The following CTNNA1 variants were observed in gnomAD, a reference collection of about 807,000 sequenced individuals.
The protein encoded by CTNNA1 is catenin alpha-1.
A neutral mutation model predicts 98.4 loss-of-function variants in CTNNA1; 37 were observed. The ratio of observed to expected loss-of-function variants is 0.38; its 90% CI spans 0.29 to 0.49. CTNNA1 has a LOEUF of 0.49. Ranked by LOEUF, CTNNA1 falls within the 20% of genes least tolerant of loss-of-function variation. The probability of loss-of-function intolerance (pLI) is 0.95; values close to 1 mark genes in which losing one functional copy is unlikely to be tolerated. For synonymous variants in CTNNA1, 404 were observed against 413.2 expected (o/e 0.98, Z 0.27); for missense variants, 761 against 1,147.2 (o/e 0.66, Z 4.86).
chr5:138,771,477 G>T (rs193129281), intron 1 of CTNNA1, among the ~76,000 whole-genome samples: 1 of 152,216 alleles, frequency 6.6e-6, no homozygotes, highest in African/African-American at 2.4e-5. Flanking sequence ...GACCTCTTGG[G>T]TTCAAGTGAT....
chr5:138,790,593 A>G (rs1366548689), intron 3 of CTNNA1, among the ~76,000 whole-genome samples: 1 of 152,198 alleles, frequency 6.6e-6, no homozygotes, highest in Non-Finnish European at 1.5e-5. Context: ...GAATTCCACC[A>G]AGTTTTCAAA....
intron 7 of CTNNA1, among the ~76,000 whole-genome samples, chr5:138,860,011 T>G (rs1311458953): frequency 6.6e-6 from 1 of 152,162 alleles, no homozygotes; most frequent in East Asian, 1.9e-4. Flanking sequence ...TGCGTGTGCA[T>G]GCGTGTGTGT....
intron 7 of CTNNA1, chr5:138,875,416 C>A: frequency 1.0e-6 from 1 of 985,774 alleles, no homozygotes; most frequent in Non-Finnish European, 1.2e-6. Context: ...TTTGGGTTTT[C>A]CAGAAGCTTT....
At chr5:138,777,747 A>C (rs1392900004) in intron 1 of CTNNA1, among the ~76,000 whole-genome samples, 1 of 150,932 alleles carries the variant, frequency 6.6e-6, no homozygotes, top group African/African-American at 2.4e-5. Context: ...AATCACAGGC[A>C]CTCGGCAGGC....
intron 1 of CTNNA1, among the ~76,000 whole-genome samples, chr5:138,768,294 C>T (rs1753153613): frequency 6.6e-6 from 1 of 152,140 alleles, no homozygotes; most frequent in South Asian, 2.1e-4. Flanking sequence ...GAGTCTCGCT[C>T]TGTCACCCAG....
At chr5:138,922,790 A>G (rs990102785) in intron 11 of CTNNA1, among the ~76,000 whole-genome samples, 1 of 152,110 alleles carries the variant, frequency 6.6e-6, no homozygotes, top group African/African-American at 2.4e-5. Context: ...CCTAGAGACA[A>G]GTGTTTCATG....
intron 14 of CTNNA1, 54 bp from the exon 15 acceptor site, chr5:138,930,419 T>C (rs897114150): frequency 6.9e-5 from 94 of 1,366,270 alleles, no homozygotes; most frequent in Non-Finnish European, 9.1e-5. Context: ...GCTAATGCAC[T>C]CTGAGAACTT....
chr5:138,924,284 T>TTG (rs1277852118), intron 11 of CTNNA1, among the ~76,000 whole-genome samples: 50 of 136,474 alleles, frequency 3.7e-4, no homozygotes, highest in Non-Finnish European at 7.5e-4. Context: ...TATTTTTTGT[T>TTG]TTTTTTTTTT....
chr5:138,852,889 A>G lies in CTNNA1; in HGVS notation c.1062+25171A>G, dbSNP rs1352780888. On this transcript the variant is annotated intron_variant, in intron 7 of 17. Transcript: ENST00000302763. ...CGCGCGCGCACACACACATTTTTGC[A>G]TAGGTGTTTGCCTGATCAAAGTGGG... Among the ~76,000 whole-genome samples the G allele has an allele frequency of 1.1e-4, 5 of 46,364 alleles. No homozygotes were observed. The East Asian group carries it at 5.9e-3, about 55-fold the overall frequency. 30.4% of individuals were successfully genotyped at this position (46,364 alleles called of 152,430 possible).
chr5:138,779,724 T>G (rs532656802), intron 1 of CTNNA1, among the ~76,000 whole-genome samples: 444 of 15,216 alleles, frequency 0.029, 5 homozygotes, highest in African/African-American at 0.07. Flanking sequence ...TTTGTTTTTG[T>G]TTTTTTTTTG....
intron 7 of CTNNA1, among the ~76,000 whole-genome samples, chr5:138,840,430 C>T (rs775986933): frequency 2.0e-5 from 3 of 152,078 alleles, no homozygotes; most frequent in Non-Finnish European, 2.9e-5. Flanking sequence ...TTGGTGTGAA[C>T]GTAAAACTAT....
chr5:138,828,449 G>C (rs560290659), intron 7 of CTNNA1, among the ~76,000 whole-genome samples: 1 of 150,256 alleles, frequency 6.7e-6, no homozygotes, highest in Non-Finnish European at 1.5e-5. Context: ...TTTTTCCTTC[G>C]CTTATACTTC....
At chr5:138,823,595 C>T (rs1220052629) in intron 5 of CTNNA1, among the ~76,000 whole-genome samples, 2 of 152,114 alleles carry the variant, frequency 1.3e-5, no homozygotes, top group Non-Finnish European at 2.9e-5. Context: ...GTGATATCCT[C>T]ACCTATTTAT....
chr5:138,906,085 G>A (rs1445440945), intron 10 of CTNNA1, among the ~76,000 whole-genome samples: 2 of 152,028 alleles, frequency 1.3e-5, no homozygotes, highest in African/African-American at 2.4e-5. Context: ...AGCCTCTCTC[G>A]GTGGTTATTA....
At chr5:138,844,114 A>AT (rs1762498780) in intron 7 of CTNNA1, among the ~76,000 whole-genome samples, 2 of 151,236 alleles carry the variant, frequency 1.3e-5, no homozygotes, top group African/African-American at 4.9e-5. Context: ...GGAATAAAGA[A>AT]TGGCCACTCC....
At chr5:138,811,186 C>T (rs1758714005) in intron 4 of CTNNA1, among the ~76,000 whole-genome samples, 2 of 151,062 alleles carry the variant, frequency 1.3e-5, no homozygotes, top group Admixed American at 1.3e-4. Flanking sequence ...CGGAGGGTCT[C>T]CTCACTTCTC....
intron 1 of CTNNA1, among the ~76,000 whole-genome samples, chr5:138,776,459 G>T (rs1024551141): frequency 6.6e-6 from 1 of 152,140 alleles, no homozygotes; most frequent in Admixed American, 6.5e-5. Flanking sequence ...ACACAGACAC[G>T]GCAACCATCC....
chr5:138,850,651 C>T (rs1325065486), intron 7 of CTNNA1, among the ~76,000 whole-genome samples: 1 of 152,134 alleles, frequency 6.6e-6, no homozygotes, highest in Non-Finnish European at 1.5e-5. Flanking sequence ...ACTATAACAA[C>T]TTTGAAGGTT....
intron 7 of CTNNA1, among the ~76,000 whole-genome samples, chr5:138,850,573 C>T (rs985730058): frequency 4.6e-5 from 7 of 152,084 alleles, no homozygotes; most frequent in Non-Finnish European, 7.4e-5. Context: ...GTTTATCTTA[C>T]GGTGTTAGAT....
Sources: gnomAD v4.1 joint callset for allele counts (sites outside exome capture counted in the v4.1 genomes callset) on GRCh38, gnomAD v4.1.1 for gene constraint, MANE v1.5 for transcripts, NCBI Gene and HGNC (gene_info 2026-07-23, HGNC 2026-07-21) for gene names.